The following STK17A variants were observed in gnomAD, a reference collection of about 807,000 sequenced individuals.
The protein encoded by STK17A is serine/threonine-protein kinase 17A.
A neutral mutation model predicts 43.7 loss-of-function variants in STK17A; 26 were observed. That is an observed-to-expected ratio of 0.60 (90% CI 0.44 to 0.83). The LOEUF (loss-of-function observed/expected upper bound fraction) is 0.83, where lower values mean the gene tolerates loss of function less well. Ranked by LOEUF, STK17A falls within the 40% of genes least tolerant of loss-of-function variation. The pLI, the probability that STK17A is intolerant of heterozygous loss-of-function variation, is 0.00. For missense variants in STK17A, 476 were observed against 511.6 expected (o/e 0.93, Z 0.67); for synonymous variants, 191 against 182.5 (o/e 1.05, Z -0.38).
In STK17A at chr7:43,626,171, A is replaced by C. The variant is rs1179075703; in HGVS notation, c.*1329A>C. On this transcript the variant is annotated 3_prime_UTR_variant, in exon 7 of 7. Transcript: ENST00000319357. ...CCATGCCTCGCTCTGCACTATGAACAACTCAGACCTGTCCCTTCACGGTCT... is the reference window on the plus strand; with the variant it reads ...CCATGCCTCGCTCTGCACTATGAACCACTCAGACCTGTCCCTTCACGGTCT... The C allele has an allele frequency of 1.3e-5, 2 of 152,204 alleles. No individual in the cohort carries two copies. Among genetic ancestry groups the C allele is most frequent in the African/African-American group, 4.8e-5 (2 of 41,464 alleles). The allele number at this position is 152,204 out of a possible 1,614,324, so 9.4% of individuals were successfully genotyped here.
At position 43,625,433 on chromosome 7, in the gene STK17A, T is replaced by TA. The variant is rs1324678164; in HGVS notation, c.*593dup. 5.9e-5 allele frequency: 9 copies of TA among 152,246 alleles called. No homozygotes were observed. Among genetic ancestry groups the TA allele is most frequent in the Admixed American group, 5.9e-4 (9 of 15,286 alleles). The allele number at this position is 152,246 out of a possible 1,614,324, so 9.4% of individuals were successfully genotyped here. On this transcript the variant is annotated 3_prime_UTR_variant, in exon 7 of 7. Coordinates refer to ENST00000319357, the MANE Select transcript of STK17A (RefSeq NM_004760.3). ...TGTTGTGTTTTTGCCTAAATACTAG[T>TA]AACATATCAGTGAAAAACCCTAATT...
chr7:43,591,968 C>T (rs1022001752), intron 1 of STK17A, among the ~76,000 whole-genome samples: 2 of 151,396 alleles, frequency 1.3e-5, no homozygotes, highest in African/African-American at 4.8e-5. Flanking sequence ...TCAGGTGTGG[C>T]AACAGTAAAC....
intron 1 of STK17A, among the ~76,000 whole-genome samples, chr7:43,587,048 C>T (rs137930066): frequency 6.6e-6 from 1 of 151,388 alleles, no homozygotes; most frequent in Non-Finnish European, 1.5e-5. Context: ...TGAAATCATT[C>T]CCATTACACC....
intron 2 of STK17A, among the ~76,000 whole-genome samples, chr7:43,606,420 T>C (rs2082588650): frequency 6.6e-6 from 1 of 152,224 alleles, no homozygotes; most frequent in Non-Finnish European, 1.5e-5. Flanking sequence ...GTTATATGGC[T>C]CTGAATAATG....
At chr7:43,597,587 G>A (rs1022808737) in intron 2 of STK17A, among the ~76,000 whole-genome samples, 4 of 152,016 alleles carry the variant, frequency 2.6e-5, no homozygotes, top group Non-Finnish European at 5.9e-5. Flanking sequence ...GGGTTTCACC[G>A]TGTTGGTGAG....
chr7:43,606,987 G>C (rs1314350679), intron 2 of STK17A, among the ~76,000 whole-genome samples: 2 of 129,714 alleles, frequency 1.5e-5, no homozygotes, highest in African/African-American at 2.9e-5. Context: ...GCAATGGTGT[G>C]ATCTCGGTTC....
intron 1 of STK17A, among the ~76,000 whole-genome samples, chr7:43,587,623 A>G (rs2082452592): frequency 6.6e-6 from 1 of 151,556 alleles, no homozygotes; most frequent in South Asian, 2.1e-4. Flanking sequence ...GTATCTGACA[A>G]GAACTTAAGC....
intron 2 of STK17A, among the ~76,000 whole-genome samples, chr7:43,607,700 G>C (rs554233854): frequency 2.1e-5 from 3 of 145,930 alleles, no homozygotes; most frequent in Admixed American, 6.8e-5. Context: ...AGTGTAAAGA[G>C]ACTAATTGCT....
At chr7:43,595,199 CA>C (rs2082506431) in intron 1 of STK17A, among the ~76,000 whole-genome samples, 2 of 150,288 alleles carry the variant, frequency 1.3e-5, no homozygotes, top group African/African-American at 4.9e-5. Context: ...TCTTTAGAGT[CA>C]ATTAGTGCAG....
chr7:43,599,417 G>A (rs1370368556), intron 2 of STK17A, among the ~76,000 whole-genome samples: 1 of 152,190 alleles, frequency 6.6e-6, no homozygotes, highest in Admixed American at 6.5e-5. Flanking sequence ...CCTGGTTATT[G>A]CTCAGCCATT....
At chr7:43,595,845 C>A in intron 1 of STK17A, 56 bp from the exon 2 acceptor site, 1 of 1,525,262 alleles carries the variant, frequency 6.6e-7, no homozygotes, top group Admixed American at 1.8e-5. Context: ...TCATTGAAAT[C>A]TGCCATCTCT....
intron 2 of STK17A, 105 bp from the exon 3 acceptor site, chr7:43,608,151 G>T (rs537219093): frequency 1.8e-6 from 2 of 1,107,348 alleles, no homozygotes; most frequent in South Asian, 1.6e-5. Context: ...TTTAAAAAAG[G>T]TATACAGTTA....
rs1485825290 is a variant in STK17A, at chr7:43,623,906, T to C, written c.920+18T>C. 1.4e-6 allele frequency: 2 copies of C among 1,430,236 alleles called. No individual in the cohort carries two copies. The highest frequency in any genetic ancestry group is 1.8e-6 in the Non-Finnish European group (2 of 1,092,104). 88.6% of individuals were successfully genotyped at this position (1,430,236 alleles called of 1,614,324 possible). ...AAACCTGAGTAAGTATTATTTTTAT[T>C]AGTTTAATATTGAACTAATTCAATA... On this transcript the variant is annotated intron_variant, in intron 6 of 6. Transcript: ENST00000319357.
chr7:43,595,980 A>C lies in STK17A; in HGVS notation c.286A>C (p.Arg96=), dbSNP rs767092127. ...EFAAKFMRKR[R]KGQDCRMEII... is the part of the protein sequence containing the mutation. ...TGCTGCAAAGTTCATGAGAAAAAGAAGAAAAGGCCAAGATTGTCGGATGGA... is the reference window on the plus strand; with the variant it reads ...TGCTGCAAAGTTCATGAGAAAAAGACGAAAAGGCCAAGATTGTCGGATGGA... The change falls in exon 2 of 7, where the codon AGA becomes CGA. Residue 96 remains arginine, a synonymous_variant. Coordinates refer to ENST00000319357, the MANE Select transcript of STK17A (RefSeq NM_004760.3). 1.2e-6 allele frequency: 2 copies of C among 1,614,012 alleles called. No homozygotes were observed. Among genetic ancestry groups the C allele is most frequent in the African/African-American group, 1.3e-5 (1 of 75,048 alleles).
chr7:43,608,145 A>G, intron 2 of STK17A, 111 bp from the exon 3 acceptor site: 1 of 1,070,320 alleles, frequency 9.3e-7, no homozygotes, highest in South Asian at 1.8e-5. Context: ...ACATTTTTTA[A>G]AAAAGGTATA....
chr7:43,619,750 T>C, intron 4 of STK17A, 27 bp downstream of exon 4: 1 of 1,610,846 alleles, frequency 6.2e-7, no homozygotes, highest in Non-Finnish European at 8.5e-7. Flanking sequence ...GTAGTTTTGT[T>C]CTGGGGTCAG....
At chr7:43,606,916 C>CTTTTTTTTTTTTTTTTTTTTTTTT (rs71011933) in intron 2 of STK17A, among the ~76,000 whole-genome samples, 3 of 62,638 alleles carry the variant, frequency 4.8e-5, no homozygotes, top group African/African-American at 1.6e-4. Flanking sequence ...TTTCGATTTT[C>CTTTTTTTTTTTTTTTTTTTTTTTT]TTTTTTTTTT....
chr7:43,605,772 C>T (rs1451823353), intron 2 of STK17A, among the ~76,000 whole-genome samples: 6 of 151,984 alleles, frequency 3.9e-5, no homozygotes, highest in Non-Finnish European at 8.8e-5. Flanking sequence ...ACCTGTTGTT[C>T]TAATGCCTGA....
chr7:43,594,986 T>G (rs2082505485), intron 1 of STK17A, among the ~76,000 whole-genome samples: 2 of 152,080 alleles, frequency 1.3e-5, no homozygotes, highest in Middle Eastern at 6.8e-3. Context: ...CAAGCCCACA[T>G]AGGTTTAATT....
Sources: gnomAD v4.1 joint callset for allele counts (sites outside exome capture counted in the v4.1 genomes callset) on GRCh38, gnomAD v4.1.1 for gene constraint, MANE v1.5 for transcripts, NCBI Gene and HGNC (gene_info 2026-07-23, HGNC 2026-07-21) for gene names.